NBAS: variants seen among roughly 807,000 people sequenced by gnomAD.
NBAS encodes the protein NBAS subunit of NRZ tethering complex.
Under a neutral mutation model 302.5 loss-of-function variants are expected in NBAS, and 219 were observed. That is an observed-to-expected ratio of 0.72 (90% CI 0.65 to 0.81). The LOEUF (loss-of-function observed/expected upper bound fraction) is 0.81, where lower values mean the gene tolerates loss of function less well. Ranked by LOEUF, NBAS falls within the 30% of genes least tolerant of loss-of-function variation. The pLI, the probability that NBAS is intolerant of heterozygous loss-of-function variation, is 0.00. For synonymous variants in NBAS, 1,118 were observed against 1,021.6 expected, an observed-to-expected ratio of 1.09 and a Z score of -1.80; for missense variants, 2,932 against 2,841.6, an observed-to-expected ratio of 1.03 and a Z score of -0.72.
At chr2:15,541,744 G>A (rs1663834743) in intron 6 of NBAS, among the ~76,000 whole-genome samples, 1 of 150,738 alleles carries the variant, frequency 6.6e-6, no homozygotes, top group South Asian at 2.1e-4. Flanking sequence ...CAAACTTCAC[G>A]GGAGGGAGGT....
the NBAS span, among the ~76,000 whole-genome samples, chr2:15,099,408 G>A: frequency 6.6e-6 from 1 of 151,898 alleles, no homozygotes; most frequent in African/African-American, 2.4e-5. Flanking sequence ...TCCTACAATG[G>A]ACATATGTAA....
chr2:15,166,096 C>A (rs1334097804), downstream of NBAS, among the ~76,000 whole-genome samples: 1 of 152,206 alleles, frequency 6.6e-6, no homozygotes, highest in East Asian at 1.9e-4. Context: ...CAAGCACATA[C>A]CTCTGTGGTG....
At chr2:14,961,480 G>GCTCC in the NBAS span, among the ~76,000 whole-genome samples, 1 of 151,848 alleles carries the variant, frequency 6.6e-6, no homozygotes, top group Admixed American at 6.6e-5. Flanking sequence ...GCACACACTG[G>GCTCC]CTCCCCTTCA....
intron 48 of NBAS, among the ~76,000 whole-genome samples, chr2:15,206,921 G>C (rs1159075072): frequency 6.6e-6 from 1 of 152,234 alleles, no homozygotes; most frequent in Non-Finnish European, 1.5e-5. Context: ...GGGCAATGCA[G>C]AGGGGAAATG....
rs1669965282 is a variant in NBAS at position 15,284,706 on chromosome 2, A to G, written c.5138+2367T>C. 1.3e-5 allele frequency among the ~76,000 whole-genome samples: 2 copies of G among 152,272 alleles called. 1 individual carries two copies. The highest frequency in any genetic ancestry group is 4.1e-4 in the South Asian group (2 of 4,834). On this transcript the variant is annotated intron_variant, in intron 42 of 51. Coordinates refer to ENST00000281513, the MANE Select transcript of NBAS (RefSeq NM_015909.4). ...ATAAATGTTGGGCAATTTCTATTGT[A>G]TTAACAAGGCTGATTTCTAATACTA...
chr2:14,781,299 G>T, the NBAS span, among the ~76,000 whole-genome samples: 1 of 152,128 alleles, frequency 6.6e-6, no homozygotes, highest in Non-Finnish European at 1.5e-5. Flanking sequence ...AGACTTTCCA[G>T]CTCATTAACT....
At chr2:15,041,872 C>G in the NBAS span, among the ~76,000 whole-genome samples, 1 of 151,958 alleles carries the variant, frequency 6.6e-6, no homozygotes, top group Admixed American at 6.6e-5. Flanking sequence ...CTTTTCTCTA[C>G]TACATGGAAA....
intron 38 of NBAS, among the ~76,000 whole-genome samples, chr2:15,313,862 A>G (rs1390443898): frequency 6.6e-6 from 1 of 152,224 alleles, no homozygotes; most frequent in Admixed American, 6.5e-5. Context: ...CTCAGAATTA[A>G]TCCTAAGCAA....
chr2:14,883,966 T>A, the NBAS span, among the ~76,000 whole-genome samples: 1 of 135,430 alleles, frequency 7.4e-6, no homozygotes. Context: ...AGTAAGACCT[T>A]CTCTCAAAAA....
chr2:15,141,602 A>G, the NBAS span, among the ~76,000 whole-genome samples: 3 of 152,202 alleles, frequency 2.0e-5, no homozygotes, highest in Non-Finnish European at 2.9e-5. Flanking sequence ...CTGGTTTATA[A>G]AGGCTAGACT....
the NBAS span, among the ~76,000 whole-genome samples, chr2:14,883,279 A>C: frequency 3.3e-5 from 5 of 152,200 alleles, no homozygotes; most frequent in Non-Finnish European, 7.4e-5. Context: ...ATATATTTCT[A>C]ACTCATACTG....
chr2:15,267,059 T>C lies in NBAS; in HGVS notation c.5724+8425A>G, dbSNP rs183756855. On this transcript the variant is annotated intron_variant, in intron 44 of 51. Coordinates refer to ENST00000281513, the MANE Select transcript of NBAS (RefSeq NM_015909.4). ...AAAAAGCCATATCAATTTTAATATA[T>C]ACCAAATCAAACTATACCCAGAAGC... Among the ~76,000 whole-genome samples, 17 of 152,366 alleles carry C rather than the reference T, an allele frequency of 1.1e-4. No homozygotes were observed. In the East Asian group the frequency reaches 3.1e-3, roughly 28 times the overall value.
At chr2:15,220,536 T>C (rs1163830639) in intron 47 of NBAS, among the ~76,000 whole-genome samples, 6 of 152,236 alleles carry the variant, frequency 3.9e-5, no homozygotes, top group South Asian at 4.1e-4. Flanking sequence ...TTGGTTATTA[T>C]AGGACTGTGA....
At chr2:14,984,177 T>G in the NBAS span, among the ~76,000 whole-genome samples, 1 of 152,168 alleles carries the variant, frequency 6.6e-6, no homozygotes, top group Non-Finnish European at 1.5e-5. Flanking sequence ...AGCCCCACGA[T>G]GTACCTGGTT....
At chr2:15,544,937 G>C (rs1664030569) in intron 6 of NBAS, among the ~76,000 whole-genome samples, 1 of 152,220 alleles carries the variant, frequency 6.6e-6, no homozygotes, top group South Asian at 2.1e-4. Context: ...CTTGAACCCA[G>C]GAGGTGGAGG....
the NBAS span, among the ~76,000 whole-genome samples, chr2:14,970,668 A>G: frequency 6.6e-6 from 1 of 152,176 alleles, no homozygotes; most frequent in East Asian, 1.9e-4. Context: ...TTGGAAGTGG[A>G]AAGAACTGGA....
intron 23 of NBAS, among the ~76,000 whole-genome samples, chr2:15,421,929 T>C (rs1398657153): frequency 6.6e-6 from 1 of 152,106 alleles, no homozygotes; most frequent in Admixed American, 6.6e-5. Context: ...TCTCCCACTA[T>C]CAACATTCCC....
At chr2:15,372,693 C>G (rs1674545299) in intron 31 of NBAS, among the ~76,000 whole-genome samples, 1 of 152,154 alleles carries the variant, frequency 6.6e-6, no homozygotes, top group Non-Finnish European at 1.5e-5. Context: ...GGAAAGCTGT[C>G]AAGACATGAA....
At chr2:14,828,908 TATAAC>T in the NBAS span, among the ~76,000 whole-genome samples, 28 of 152,328 alleles carry the variant, frequency 1.8e-4, no homozygotes, top group African/African-American at 6.7e-4. Flanking sequence ...TGAATAAAAA[TATAAC>T]AAAACATTAA....
Sources: gnomAD v4.1 joint callset for allele counts (sites outside exome capture counted in the v4.1 genomes callset) on GRCh38, gnomAD v4.1.1 for gene constraint, MANE v1.5 for transcripts, NCBI Gene and HGNC (gene_info 2026-07-23, HGNC 2026-07-21) for gene names.